Variants in DHRS2 observed in about 807,000 individuals in gnomAD.
The protein encoded by DHRS2 is dehydrogenase/reductase SDR family member 2, mitochondrial.
DHRS2 carries 29 observed loss-of-function variants against 26.3 expected under a neutral mutation model. The ratio of observed to expected loss-of-function variants is 1.10; its 90% confidence interval spans 0.82 to 1.50. The LOEUF is 1.50. Ranked by LOEUF, DHRS2 falls within the 40% of genes most tolerant of loss-of-function variation. DHRS2 has a pLI of 0.00. For missense variants in DHRS2, 439 were observed against 367.1 expected (o/e 1.20, Z -1.60); for synonymous variants, 164 against 151.3 (o/e 1.08, Z -0.62).
intron 5 of DHRS2, chr14:23,643,775 T>G (rs1487564724): frequency 1.6e-5 from 6 of 382,378 alleles, no homozygotes; most frequent in Admixed American, 7.3e-5. Flanking sequence ...TCCTTAGAGG[T>G]TGCTCATTGA....
upstream of DHRS2, chr14:23,636,317 G>A (rs1890276675): frequency 6.6e-6 from 1 of 152,164 alleles, no homozygotes; most frequent in Non-Finnish European, 1.5e-5. Flanking sequence ...GCAGGATGTG[G>A]GTGTGGCCAG....
Position 23,639,230 on chromosome 14 carries a change from C to T in DHRS2, c.192C>T (p.Val64=). 6.2e-7 allele frequency: 1 copy of T among 1,613,880 alleles called. No homozygotes were observed. Among genetic ancestry groups the T allele is most frequent in the Non-Finnish European group, 8.5e-7 (1 of 1,179,916 alleles). Residue 64 remains valine (V), a synonymous_variant, in exon 3 of 9, where the codon GTC becomes GTT. Coordinates refer to ENST00000250383, the MANE Select transcript of DHRS2 (RefSeq NM_005794.4). ...RRLARDGAHV[V]ISSRKQQNVD... is the part of the protein sequence containing the mutation. ...TGGCCCGGGACGGGGCCCACGTGGT[C>T]ATCAGCAGCCGGAAGCAGCAGAACG... is the stretch of plus-strand genomic sequence containing the variant.
At chr14:23,640,906 G>A (rs1890629341) in intron 4 of DHRS2, 1 of 152,256 alleles carries the variant, frequency 6.6e-6, no homozygotes, top group Non-Finnish European at 1.5e-5. Flanking sequence ...TTTTATTGCT[G>A]ACAGTCTCCT....
At position 23,636,375 on chromosome 14, in the gene DHRS2, C is replaced by G. The variant is rs918991082; in HGVS notation, c.-436C>G. 1.3e-5 allele frequency: 2 copies of G among 152,094 alleles called. No homozygotes were observed. The highest frequency in any genetic ancestry group is 1.5e-5 in the Non-Finnish European group (1 of 67,998). 9.4% of individuals were successfully genotyped at this position (152,094 alleles called of 1,614,324 possible). A position where few individuals can be genotyped will look rare whatever the true frequency, so the allele number is the denominator to read the frequency against. On this transcript the variant is annotated 5_prime_UTR_variant, in exon 1 of 9. Coordinates refer to ENST00000250383, the MANE Select transcript of DHRS2 (RefSeq NM_005794.4). ...CCTGAGCCGGCAGCAGCAACCTGCT[C>G]TGGTTCCCTTCCACGCTGTGGAAGC...
intron 4 of DHRS2, chr14:23,642,051 A>G (rs1193523861): frequency 2.8e-6 from 3 of 1,090,820 alleles, no homozygotes; most frequent in Non-Finnish European, 3.4e-6. Flanking sequence ...CACCAGACAG[A>G]GCTTCCAGAG....
chr14:23,644,167 G>A lies in DHRS2; in HGVS notation c.540+5G>A. ...GCAGCTTATAATCCAGTAGTGGTAA[G>A]TGCTTGGTCCTTGTGCTCCTGAGTG... On this transcript the variant is annotated splice_donor_5th_base_variant and intron_variant, in intron 6 of 8. Coordinates refer to ENST00000250383, the MANE Select transcript of DHRS2 (RefSeq NM_005794.4). 1.2e-6 allele frequency: 2 copies of A among 1,614,158 alleles called. No homozygotes were observed. The highest frequency in any genetic ancestry group is 2.2e-5 in the South Asian group (2 of 91,080).
At chr14:23,636,137 G>A (rs144198126), upstream of DHRS2, among the ~76,000 whole-genome samples, 467 of 152,308 alleles carry the variant, frequency 3.1e-3, 2 homozygotes, top group African/African-American at 0.011. Flanking sequence ...GAACTTTTGT[G>A]TCTAGCTAAA....
chr14:23,631,298 C>T (rs1457066041), intron 1 of DHRS2, among the ~76,000 whole-genome samples: 2 of 151,998 alleles, frequency 1.3e-5, no homozygotes, highest in Admixed American at 6.5e-5. Context: ...TAATGCTGGT[C>T]AGTCATGCCT....
chr14:23,643,174 C>T lies in DHRS2; in HGVS notation c.443C>T (p.Ser148Phe). 6.2e-7 allele frequency: 1 copy of T among 1,614,012 alleles called. No homozygotes were observed. Among genetic ancestry groups the T allele is most frequent in the Non-Finnish European group, 8.5e-7 (1 of 1,179,968 alleles). Reference protein sequence around the residue: ...WDKILSVNVKSPALLLSQLLP... With the variant: ...WDKILSVNVKFPALLLSQLLP... The stretch of plus-strand genomic sequence containing the variant: ...CAGATCCTAAGTGTGAACGTGAAGT[C>T]CCCAGCCCTGCTGCTGAGCCAGTTG... Residue 148 changes from serine (S) to phenylalanine (F), a missense_variant, in exon 5 of 9, where the codon TCC (serine) becomes TTC (phenylalanine). By Grantham distance (155) the Ser-to-Phe change is radical (BLOSUM62 -2). Coordinates refer to ENST00000250383, the MANE Select transcript of DHRS2 (RefSeq NM_005794.4).
chr14:23,635,021 A>C (rs1890231101), upstream of DHRS2, among the ~76,000 whole-genome samples: 1 of 151,850 alleles, frequency 6.6e-6, no homozygotes, highest in Non-Finnish European at 1.5e-5. Flanking sequence ...TGGAATTGTG[A>C]GTCAATTAAA....
At chr14:23,643,521 T>C in intron 5 of DHRS2, 2 of 389,374 alleles carry the variant, frequency 5.1e-6, no homozygotes, top group Non-Finnish European at 9.5e-6. Flanking sequence ...TCACCTTACC[T>C]GCTCTCTGTT....
rs901238277 is a variant in DHRS2 at position 23,636,415 on chromosome 14, C to T, written c.-396C>T. Reference sequence around the variant, plus strand: ...GCTGTGGAAGCTTTGTTCTTTTGGTCTTCATGATAAATCTTGCTGCTGCTC... The same window carrying T: ...GCTGTGGAAGCTTTGTTCTTTTGGTTTTCATGATAAATCTTGCTGCTGCTC... On this transcript the variant is annotated 5_prime_UTR_variant, in exon 1 of 9. Transcript: ENST00000250383. 1.3e-5 allele frequency: 2 copies of T among 152,056 alleles called. No homozygotes were observed. Among genetic ancestry groups the T allele is most frequent in the African/African-American group, 4.8e-5 (2 of 41,408 alleles). 9.4% of individuals were successfully genotyped at this position (152,056 alleles called of 1,614,324 possible).
chr14:23,643,833 G>A, intron 5 of DHRS2: 2 of 486,096 alleles, frequency 4.1e-6, no homozygotes, highest in Non-Finnish European at 7.5e-6. Flanking sequence ...AGCCCACCCT[G>A]CCCTCTCCTT....
At position 23,644,131 on chromosome 14, in the gene DHRS2, T is replaced by TCCTCTTCCATTGCATC. The variant is rs763743803; in HGVS notation, c.510_511insCTCTTCCATTGCATCC (p.Ser171LeufsTer12). The TCCTCTTCCATTGCATC allele has an allele frequency of 1.4e-5, 23 of 1,614,072 alleles. No homozygotes were observed. The highest frequency in any genetic ancestry group is 1.9e-5 in the Non-Finnish European group (22 of 1,180,042). ...CTCAGGAGGGGTGCTGTCATCCTGG[T>TCCTCTTCCATTGCATC]CTCTTCCATTGCAGCTTATAATCCA... is the stretch of plus-strand genomic sequence containing the variant. On this transcript the variant is annotated frameshift_variant, in exon 6 of 9. Transcript: ENST00000250383. LOFTEE classifies it high-confidence loss of function.
At chr14:23,632,280 G>A (rs1890143830), upstream of DHRS2, among the ~76,000 whole-genome samples, 1 of 152,160 alleles carries the variant, frequency 6.6e-6, no homozygotes, top group African/African-American at 2.4e-5. Flanking sequence ...TTCAGAATCT[G>A]GTGTCCTGTT....
intron 1 of DHRS2, among the ~76,000 whole-genome samples, chr14:23,637,152 C>T (rs1308564199): frequency 3.3e-5 from 5 of 152,180 alleles, no homozygotes; most frequent in East Asian, 1.9e-4. Context: ...GACCCTTGCT[C>T]GCTGGGTCCT....
At chr14:23,641,835 A>G in intron 4 of DHRS2, 1 of 1,255,714 alleles carries the variant, frequency 8.0e-7, no homozygotes, top group South Asian at 1.4e-5. Flanking sequence ...GGGGGGTGGA[A>G]AAAACAGTGA....
Position 23,639,185 on chromosome 14 carries a change from C to T in DHRS2, c.147C>T (p.Gly49=), listed in dbSNP as rs916654680. 3.1e-6 allele frequency: 5 copies of T among 1,613,124 alleles called. No individual in the cohort carries two copies. The highest frequency in any genetic ancestry group is 3.4e-6 in the Non-Finnish European group (4 of 1,179,742). Residue 49 remains glycine, a synonymous_variant, in exon 3 of 9, where the codon GGC becomes GGT. Coordinates refer to ENST00000250383, the MANE Select transcript of DHRS2 (RefSeq NM_005794.4). ...CCTCCATCTCTGCATTCAGGATCGG[C>T]TTTGCCATCGCCCGACGTCTGGCCC... The part of the protein sequence containing the change: ...AVVTGSTSGI[G]FAIARRLARD...
In DHRS2 at chr14:23,643,158, A is replaced by G. The variant is rs111300278; in HGVS notation, c.427A>G (p.Ser143Gly). 8 of 1,614,038 alleles carry G rather than the reference A, an allele frequency of 5.0e-6. No individual in the cohort carries two copies. The highest frequency in any genetic ancestry group is 4.0e-5 in the African/African-American group (3 of 75,048). The change falls in exon 5 of 9, where the codon AGT (serine) becomes GGT (glycine). Residue 143 changes from serine (S) to glycine (G), a missense_variant. Physicochemically the swap from Ser to Gly is moderately conservative, Grantham distance 56. Coordinates refer to ENST00000250383, the MANE Select transcript of DHRS2 (RefSeq NM_005794.4). Reference protein sequence around the residue: ...TSEQIWDKILSVNVKSPALLL... With the variant: ...TSEQIWDKILGVNVKSPALLL... ...TGCTCTGCTCTGATTTCAGATCCTAAGTGTGAACGTGAAGTCCCCAGCCCT... is the reference window on the plus strand; with the variant it reads ...TGCTCTGCTCTGATTTCAGATCCTAGGTGTGAACGTGAAGTCCCCAGCCCT...
Sources: allele counts gnomAD v4.1 joint callset (sites outside exome capture counted in the v4.1 genomes callset), GRCh38; gene constraint gnomAD v4.1.1; transcripts MANE v1.5; gene names NCBI Gene and HGNC (gene_info 2026-07-23, HGNC 2026-07-21).